The following SIPA1L3 variants were observed in gnomAD, a reference collection of about 807,000 sequenced individuals.
SIPA1L3 encodes the protein signal-induced proliferation-associated 1-like protein 3.
A neutral mutation model predicts 150.1 loss-of-function variants in SIPA1L3; 59 were observed. The observed-to-expected ratio is 0.39, with a 90% CI of 0.32 to 0.49. SIPA1L3 has a LOEUF of 0.49. Among genes scored for constraint, SIPA1L3 ranks in the 20% least tolerant of loss-of-function variants. The pLI, the probability that SIPA1L3 is intolerant of heterozygous loss-of-function variation, is 0.86. For missense variants in SIPA1L3, 2,211 were observed against 2,489.5 expected, an observed-to-expected ratio of 0.89 and a Z score of 2.38; for synonymous variants, 1,070 against 1,077.6, an observed-to-expected ratio of 0.99 and a Z score of 0.14.
At chr19:38,036,454 G>C in intron 2 of SIPA1L3, among the ~76,000 whole-genome samples, 1 of 152,230 alleles carries the variant, frequency 6.6e-6, no homozygotes. Context: ...GGCAGGCCCT[G>C]TCTGAAGGCA....
intron 1 of SIPA1L3, among the ~76,000 whole-genome samples, chr19:37,943,581 A>T (rs1282436134): frequency 6.6e-6 from 1 of 152,168 alleles, no homozygotes; most frequent in Non-Finnish European, 1.5e-5. Flanking sequence ...ACCACTTTAC[A>T]CGAGGCCCAG....
intron 15 of SIPA1L3, among the ~76,000 whole-genome samples, chr19:38,171,595 GT>G (rs1339587615): frequency 1.3e-5 from 2 of 151,858 alleles, no homozygotes; most frequent in African/African-American, 2.4e-5. Context: ...GTTTCACCAT[GT>G]TGGCCAGGCT....
At chr19:38,113,564 G>A (rs1271506784) in intron 8 of SIPA1L3, among the ~76,000 whole-genome samples, 1 of 151,698 alleles carries the variant, frequency 6.6e-6, no homozygotes, top group East Asian at 1.9e-4. Flanking sequence ...GCTAGAGTGA[G>A]CCCCATTGCA....
intron 2 of SIPA1L3, among the ~76,000 whole-genome samples, chr19:38,044,073 G>A (rs1348056601): frequency 2.6e-5 from 4 of 152,298 alleles, no homozygotes; most frequent in Non-Finnish European, 5.9e-5. Context: ...CTGATGGCCT[G>A]GATGTAGGGG....
intron 15 of SIPA1L3, among the ~76,000 whole-genome samples, chr19:38,178,537 G>T (rs1197829681): frequency 6.6e-6 from 1 of 152,118 alleles, no homozygotes; most frequent in African/African-American, 2.4e-5. Flanking sequence ...GTGCAATGGT[G>T]CGATCTCGGC....
intron 1 of SIPA1L3, among the ~76,000 whole-genome samples, chr19:37,920,927 GC>G (rs982253141): frequency 4.6e-5 from 7 of 152,248 alleles, no homozygotes; most frequent in African/African-American, 1.7e-4. Flanking sequence ...TGCCTGTGGG[GC>G]CCCTCCCACA....
intron 1 of SIPA1L3, among the ~76,000 whole-genome samples, chr19:37,981,948 G>A (rs1294020784): frequency 1.3e-5 from 2 of 152,188 alleles, no homozygotes; most frequent in African/African-American, 4.8e-5. Context: ...CCACAGCTGT[G>A]TGCAGTACGT....
intron 9 of SIPA1L3, among the ~76,000 whole-genome samples, chr19:38,123,801 C>T (rs1174115347): frequency 1.1e-4 from 16 of 144,110 alleles, no homozygotes; most frequent in South Asian, 9.1e-4. Context: ...GACGGGGTGG[C>T]GGCCGGGCAG....
At chr19:38,100,808 C>T (rs940124912) in intron 5 of SIPA1L3, among the ~76,000 whole-genome samples, 6 of 152,260 alleles carry the variant, frequency 3.9e-5, no homozygotes, top group South Asian at 2.1e-4. Context: ...GTCCTCCACC[C>T]GCCATAGCGA....
At chr19:38,065,923 T>C (rs905952556) in intron 2 of SIPA1L3, among the ~76,000 whole-genome samples, 7 of 146,516 alleles carry the variant, frequency 4.8e-5, no homozygotes, top group Admixed American at 6.9e-5. Flanking sequence ...ATCTATTTAT[T>C]TATTTATTTA....
chr19:38,184,082 A>G (rs78826019), intron 16 of SIPA1L3, among the ~76,000 whole-genome samples: 3,707 of 152,168 alleles, frequency 0.024, 147 homozygotes, highest in African/African-American at 0.083. Flanking sequence ...TTGCCTGAGC[A>G]CTCACCACAT....
intron 4 of SIPA1L3, among the ~76,000 whole-genome samples, chr19:38,093,263 A>G (rs974548913): frequency 1.3e-5 from 2 of 152,138 alleles, no homozygotes; most frequent in Admixed American, 6.6e-5. Flanking sequence ...GACAACTGGA[A>G]GAAGAGCATT....
intron 15 of SIPA1L3, among the ~76,000 whole-genome samples, chr19:38,166,901 T>C (rs1038364110): frequency 2.0e-5 from 3 of 151,032 alleles, no homozygotes; most frequent in Non-Finnish European, 2.9e-5. Context: ...CAGTCCACAG[T>C]AGAATTGTGT....
At chr19:38,098,471 T>C (rs1329573198) in intron 4 of SIPA1L3, among the ~76,000 whole-genome samples, 2 of 149,248 alleles carry the variant, frequency 1.3e-5, no homozygotes, top group Non-Finnish European at 3.0e-5. Context: ...CTTGGCTCAC[T>C]GCAACCTCCG....
intron 4 of SIPA1L3, among the ~76,000 whole-genome samples, chr19:38,095,800 G>A (rs1209753141): frequency 6.6e-6 from 1 of 152,168 alleles, no homozygotes; most frequent in Non-Finnish European, 1.5e-5. Context: ...GCGCCGATGA[G>A]GTGGTCAGAG....
intron 2 of SIPA1L3, among the ~76,000 whole-genome samples, chr19:38,061,678 G>C (rs1969448747): frequency 1.3e-5 from 2 of 151,982 alleles, no homozygotes; most frequent in African/African-American, 4.8e-5. Flanking sequence ...CAGGAGTACA[G>C]AGAGATGGAG....
At chr19:38,085,856 C>T (rs1191262030) in intron 3 of SIPA1L3, among the ~76,000 whole-genome samples, 2 of 152,010 alleles carry the variant, frequency 1.3e-5, no homozygotes, top group African/African-American at 4.8e-5. Flanking sequence ...ATTAGCTGGG[C>T]GTGGTGGCGG....
intron 4 of SIPA1L3, among the ~76,000 whole-genome samples, chr19:38,090,690 C>G (rs1600053841): frequency 6.6e-6 from 1 of 152,250 alleles, no homozygotes; most frequent in East Asian, 1.9e-4. Context: ...CTGCATTGCC[C>G]CAGCCCCTTG....
chr19:38,059,377 C>G (rs1969400456), intron 2 of SIPA1L3, among the ~76,000 whole-genome samples: 1 of 146,148 alleles, frequency 6.8e-6, no homozygotes, highest in South Asian at 2.1e-4. Context: ...TATCTCGGCT[C>G]ACTGCAGCCT....
Sources: allele counts gnomAD v4.1 joint callset (sites outside exome capture counted in the v4.1 genomes callset), GRCh38; gene constraint gnomAD v4.1.1; transcripts MANE v1.5; gene names NCBI Gene and HGNC (gene_info 2026-07-23, HGNC 2026-07-21).